Variants in P3H4 observed in about 807,000 individuals in gnomAD.
P3H4 encodes endoplasmic reticulum protein SC65.
P3H4 carries 47 observed loss-of-function variants against 52.9 expected under a neutral mutation model. The observed-to-expected ratio is 0.89, with a 90% CI of 0.70 to 1.13. The LOEUF is 1.13. P3H4 is among the 50% of genes most tolerant of loss of function. The pLI is 0.00. For missense variants in P3H4, 585 were observed against 611.0 expected (o/e 0.96, Z 0.45); for synonymous variants, 256 against 267.9 (o/e 0.96, Z 0.44).
chr17:41,809,802 C>A lies in P3H4; in HGVS notation c.820G>T (p.Asp274Tyr). The A allele has an allele frequency of 6.2e-7, 1 of 1,613,714 alleles. No homozygotes were observed. The highest frequency in any genetic ancestry group is 8.5e-7 in the Non-Finnish European group (1 of 1,179,888). ...TTGGGGGTCAAATTGGCCTCACAGT[C>A]CACCTTGCACTGCAGGGACTCTGCA... ...LFAESLQCKV[D>Y]CEANLTPNVG... The change falls in exon 4 of 8, where the codon GAC (aspartate) becomes TAC (tyrosine). Residue 274 changes from aspartate to tyrosine, a missense_variant. Coordinates refer to ENST00000393928, the MANE Select transcript of P3H4 (RefSeq NM_006455.3).
Position 41,811,138 on chromosome 17 carries a change from G to A in P3H4, c.609C>T (p.Pro203=), listed in dbSNP as rs1555614985. The part of the protein sequence containing the change: ...DESLTDLEAQ[P]YEAVFLRAVK... Reference sequence around the variant, plus strand: ...TCCTGACCCTCCACCCCACCTCGTAGGGCTGGGCCTCTAGGTCCGTGAGGG... The same window carrying A: ...TCCTGACCCTCCACCCCACCTCGTAAGGCTGGGCCTCTAGGTCCGTGAGGG... Residue 203 remains proline, a synonymous_variant, in exon 2 of 8, where the codon CCC becomes CCT. Transcript: ENST00000393928. This position sits in a 1 kb window ranked among gnomAD's most constrained non-coding sequence, Gnocchi z 4.8. The A allele has an allele frequency of 1.9e-6, 3 of 1,614,186 alleles. No homozygotes were observed. The highest frequency in any genetic ancestry group is 1.7e-5 in the Admixed American group (1 of 60,030).
chr17:41,810,365 G>T (rs1597898354), intron 3 of P3H4, among the ~76,000 whole-genome samples: 1 of 151,742 alleles, frequency 6.6e-6, no homozygotes, highest in South Asian at 2.1e-4. Context: ...GTAGAGACGG[G>T]GTTTCACCAT....
chr17:41,810,477 C>T (rs1281522593), intron 3 of P3H4, among the ~76,000 whole-genome samples: 1 of 152,230 alleles, frequency 6.6e-6, no homozygotes, highest in Admixed American at 6.5e-5. Context: ...TGGCCAAGTA[C>T]AGTCCTTTCT....
At chr17:41,809,598 G>T in intron 4 of P3H4, 108 bp downstream of exon 4, 1 of 1,307,232 alleles carries the variant, frequency 7.6e-7, no homozygotes, top group Non-Finnish European at 1.1e-6. Context: ...TATCACCCAG[G>T]GTCCTCAATA....
intron 3 of P3H4, 66 bp downstream of exon 3, chr17:41,810,797 G>C: frequency 1.3e-6 from 2 of 1,539,638 alleles, no homozygotes; most frequent in Non-Finnish European, 1.8e-6. Context: ...GTGCATGAAG[G>C]GGACATCTGC....
rs2047641137 is a variant in P3H4 at position 41,803,551 on chromosome 17, C to A, written c.1147-120G>T. ...CTCTCGGTCCCCAAAGCCCCTCCCC[C>A]TCCCCAGTCTCAAGATCTAATGAGA... On this transcript the variant is annotated intron_variant, in intron 6 of 7. Coordinates refer to ENST00000393928, the MANE Select transcript of P3H4 (RefSeq NM_006455.3). 6 of 853,958 alleles carry A rather than the reference C, an allele frequency of 7.0e-6. No homozygotes were observed. In the East Asian group the frequency reaches 1.3e-4, roughly 19 times the overall value. The allele number at this position is 853,958 out of a possible 1,614,324, so 52.9% of individuals were successfully genotyped here.
rs2047734914 is a variant in P3H4, at chr17:41,811,388, G to A, written c.462+66C>T. The A allele has an allele frequency of 1.9e-6, 3 of 1,606,278 alleles. No homozygotes were observed. The highest frequency in any genetic ancestry group is 1.7e-4 in the Middle Eastern group (1 of 6,038). On this transcript the variant is annotated intron_variant, in intron 1 of 7. Transcript: ENST00000393928. This position sits in a 1 kb window ranked among gnomAD's most constrained non-coding sequence, Gnocchi z 4.8. ...CCTTGGGTGAAGATAACGCTCCTTC[G>A]ACCGATCTGTGGGGAGCCACGACGC...
chr17:41,802,710 C>T lies in P3H4; in HGVS notation c.*247G>A. The stretch of plus-strand genomic sequence containing the variant: ...GGGATTTCAGGCGCCTGCCACCACA[C>T]CCGGCTAATTTATGTATTTTAGTAG... On this transcript the variant is annotated 3_prime_UTR_variant, in exon 8 of 8. Transcript: ENST00000393928. 4.7e-6 allele frequency: 2 copies of T among 426,544 alleles called. No individual in the cohort carries two copies. Among genetic ancestry groups the T allele is most frequent in the Non-Finnish European group, 8.3e-6 (2 of 241,846 alleles). 26.4% of individuals were successfully genotyped at this position (426,544 alleles called of 1,614,324 possible). A position where few individuals can be genotyped will look rare whatever the true frequency, so the allele number is the denominator to read the frequency against.
Position 41,811,731 on chromosome 17 carries a change from G to T in P3H4, c.185C>A (p.Ala62Glu). The change falls in exon 1 of 8, where the codon GCG becomes GAG. Residue 62 changes from alanine to glutamate, a missense_variant. Coordinates refer to ENST00000393928, the MANE Select transcript of P3H4 (RefSeq NM_006455.3). This position sits in a 1 kb window ranked among gnomAD's most constrained non-coding sequence, Gnocchi z 4.8. ...GCGCAGGAGCCGGTGCAGCCGCAGC[G>T]CCGCCTCCAGGTAGCGCGCGCTCTC... ...WRESARYLEAALRLHRLLRDS... is the reference protein window; with the variant it reads ...WRESARYLEAELRLHRLLRDS... 1 of 1,511,336 alleles carries T rather than the reference G, an allele frequency of 6.6e-7. No individual in the cohort carries two copies. The highest frequency in any genetic ancestry group is 2.2e-5 in the Admixed American group (1 of 46,202). The allele number at this position is 1,511,336 out of a possible 1,614,324, so 93.6% of individuals were successfully genotyped here. A position where few individuals can be genotyped will look rare whatever the true frequency, so the allele number is the denominator to read the frequency against.
In P3H4 at chr17:41,807,850, A is replaced by G. The variant is rs1297536113; in HGVS notation, c.1062+9T>C. On this transcript the variant is annotated intron_variant, in intron 5 of 7. Coordinates refer to ENST00000393928, the MANE Select transcript of P3H4 (RefSeq NM_006455.3). ...ATATCCAGCAAGTGCCCCAGAAAGC[A>G]GTGCCCACCTCCCGGGGCTGGAAGT... 2 of 1,609,020 alleles carry G rather than the reference A, an allele frequency of 1.2e-6. No individual in the cohort carries two copies. The highest frequency in any genetic ancestry group is 1.7e-6 in the Non-Finnish European group (2 of 1,177,876).
At position 41,804,338 on chromosome 17, in the gene P3H4, G is replaced by A. The variant is rs144943277; in HGVS notation, c.1147-907C>T. ...ATAAGAGACAGCCGTCAAAATGGCT[G>A]CCATACGCCAGGCGTGGTGGCTCAC... On this transcript the variant is annotated intron_variant, in intron 6 of 7. Coordinates refer to ENST00000393928, the MANE Select transcript of P3H4 (RefSeq NM_006455.3). 2.8e-3 allele frequency among the ~76,000 whole-genome samples: 424 copies of A among 150,620 alleles called. 7 individuals carry two copies. Among genetic ancestry groups the A allele is most frequent in the African/African-American group, 9.9e-3 (407 of 41,214 alleles).
rs35539556 is a variant in P3H4, at chr17:41,802,277, GTT to G, written c.*678_*679del. 36 of 134,826 alleles carry G rather than the reference GTT, an allele frequency of 2.7e-4. No homozygotes were observed. Among genetic ancestry groups the G allele is most frequent in the Non-Finnish European group, 4.2e-4 (27 of 64,404 alleles). 8.4% of individuals were successfully genotyped at this position (134,826 alleles called of 1,614,324 possible). On this transcript the variant is annotated 3_prime_UTR_variant, in exon 8 of 8. Transcript: ENST00000393928. Reference sequence around the variant, plus strand: ...GTCCAGTCAGCTGTGTCCATCTTAAGTTTTTTTTTTTTTTTTTGAGATGGAGT... The same window carrying G: ...GTCCAGTCAGCTGTGTCCATCTTAAGTTTTTTTTTTTTTTTGAGATGGAGT...
At chr17:41,805,279 ACT>A (rs1434474967) in intron 6 of P3H4, among the ~76,000 whole-genome samples, 13 of 151,052 alleles carry the variant, frequency 8.6e-5, no homozygotes, top group African/African-American at 2.4e-4. Context: ...ACAGAGCGAG[ACT>A]CTGTCTCAAA....
chr17:41,807,699 C>T (rs139475959), intron 5 of P3H4, among the ~76,000 whole-genome samples, 160 bp downstream of exon 5: 12,051 of 152,032 alleles, frequency 0.079, 591 homozygotes, highest in South Asian at 0.091. Context: ...GGGGTTTCAC[C>T]GTGTTAGCCA....
intron 6 of P3H4, among the ~76,000 whole-genome samples, chr17:41,805,654 G>A (rs1349458391): frequency 6.6e-6 from 1 of 152,110 alleles, no homozygotes; most frequent in African/African-American, 2.4e-5. Flanking sequence ...CCACAACAAT[G>A]TGAGATGGGC....
rs192069434 is a variant in P3H4, at chr17:41,807,216, G to T, written c.1063-337C>A. ...TACCTAGGGTGTTCCTGGGAAAGAG[G>T]GACAAAGGTCAGCAGTGAGGGTAAT... On this transcript the variant is annotated intron_variant, in intron 5 of 7. Coordinates refer to ENST00000393928, the MANE Select transcript of P3H4 (RefSeq NM_006455.3). The T allele has an allele frequency of 2.5e-4, 90 of 360,732 alleles. 1 individual carries two copies. Among genetic ancestry groups the T allele is most frequent in the African/African-American group, 1.8e-3 (87 of 48,298 alleles). The allele number at this position is 360,732 out of a possible 1,614,324, so 22.3% of individuals were successfully genotyped here.
chr17:41,808,527 AC>A (rs1476837996), intron 4 of P3H4, among the ~76,000 whole-genome samples: 1 of 152,052 alleles, frequency 6.6e-6, no homozygotes, highest in Non-Finnish European at 1.5e-5. Context: ...AGCTGGGACT[AC>A]AGGCACGCGC....
rs185237512 is a variant in P3H4 at position 41,804,745 on chromosome 17, G to A, written c.1147-1314C>T. ...AGCACTTTGGGAGGCCGAGGCAAGC[G>A]GACCACTTGAGGTCAGGAGTTTGAG... On this transcript the variant is annotated intron_variant, in intron 6 of 7. Transcript: ENST00000393928. Among the ~76,000 whole-genome samples the A allele has an allele frequency of 6.8e-3, 1,031 of 152,160 alleles. 8 individuals carry two copies. The highest frequency in any genetic ancestry group is 0.023 in the African/African-American group (956 of 41,512).
In P3H4 at chr17:41,806,632, C is replaced by T. The variant is rs146265560; in HGVS notation, c.1146+164G>A. ...AAAGGAGGACATGAGAATACTAAGG[C>T]TGGGGAAGGAACGGACAGTCTAGAC... On this transcript the variant is annotated intron_variant, in intron 6 of 7. Transcript: ENST00000393928. Among the ~76,000 whole-genome samples, 633 of 152,336 alleles carry T rather than the reference C, an allele frequency of 4.2e-3. 2 individuals are homozygous for T. Among genetic ancestry groups the T allele is most frequent in the Non-Finnish European group, 4.7e-3 (323 of 68,028 alleles).
Sources: gnomAD v4.1 joint callset for allele counts (sites outside exome capture counted in the v4.1 genomes callset) on GRCh38, gnomAD v4.1.1 for gene constraint, Gnocchi (gnomAD v3.1) non-coding constraint, MANE v1.5 for transcripts, NCBI Gene and HGNC (gene_info 2026-07-23, HGNC 2026-07-21) for gene names.